TMEM163: variants seen among roughly 807,000 people sequenced by gnomAD.
TMEM163 encodes transmembrane protein 163.
A neutral mutation model predicts 29.3 loss-of-function variants in TMEM163; 17 were observed. The observed-to-expected ratio is 0.58, with a 90% confidence interval of 0.40 to 0.87. The LOEUF (loss-of-function observed/expected upper bound fraction) is 0.87. TMEM163 is among the 40% of genes least tolerant of loss of function. The pLI, the probability that TMEM163 is intolerant of heterozygous loss-of-function variation, is 0.00. For synonymous variants in TMEM163, 157 were observed against 160.6 expected, an observed-to-expected ratio of 0.98 and a Z score of 0.17; for missense variants, 303 against 381.5, an observed-to-expected ratio of 0.79 and a Z score of 1.71.
chr2:134,464,953 C>T (rs551074848), intron 6 of TMEM163, among the ~76,000 whole-genome samples: 3 of 152,114 alleles, frequency 2.0e-5, no homozygotes, highest in South Asian at 2.1e-4. Flanking sequence ...CTCCGTCCTG[C>T]GGGTGAGAAG....
chr2:134,470,795 G>A (rs1484969514), intron 5 of TMEM163, among the ~76,000 whole-genome samples: 1 of 152,222 alleles, frequency 6.6e-6, no homozygotes, highest in Non-Finnish European at 1.5e-5. Context: ...TGCGGTGCAC[G>A]TGCTCCTCTC....
intron 7 of TMEM163, among the ~76,000 whole-genome samples, chr2:134,457,686 A>T (rs559605750): frequency 4.1e-4 from 62 of 152,332 alleles, no homozygotes; most frequent in African/African-American, 1.4e-3. Flanking sequence ...ACTTGTGAGG[A>T]AACCACGCAA....
chr2:134,681,789 C>A (rs1335845149), intron 2 of TMEM163, among the ~76,000 whole-genome samples: 1 of 152,198 alleles, frequency 6.6e-6, no homozygotes, highest in African/African-American at 2.4e-5. Context: ...CCAACAAGCA[C>A]CTTCTTCAAG....
chr2:134,585,729 G>A (rs138924134), intron 2 of TMEM163, among the ~76,000 whole-genome samples: 47 of 138,258 alleles, frequency 3.4e-4, no homozygotes, highest in South Asian at 3.4e-3. Flanking sequence ...GCGACAGAGC[G>A]AGACTCCGTC....
chr2:134,482,844 G>A (rs1367731251), intron 5 of TMEM163, among the ~76,000 whole-genome samples: 1 of 152,186 alleles, frequency 6.6e-6, no homozygotes, highest in Non-Finnish European at 1.5e-5. Context: ...TAGACAAGCA[G>A]GTGAGCAGCC....
At chr2:134,459,021 G>A (rs1359052774) in intron 6 of TMEM163, 1 of 152,248 alleles carries the variant, frequency 6.6e-6, no homozygotes, top group Non-Finnish European at 1.5e-5. Flanking sequence ...AATGGCTTAA[G>A]GTAGCTTCTA....
intron 2 of TMEM163, among the ~76,000 whole-genome samples, chr2:134,598,848 A>T: frequency 6.7e-6 from 1 of 150,076 alleles, no homozygotes; most frequent in African/African-American, 2.5e-5. Context: ...TGAACCTGGG[A>T]GGTGGGGGGT....
intron 4 of TMEM163, among the ~76,000 whole-genome samples, chr2:134,517,868 A>G (rs1452774594): frequency 2.6e-5 from 4 of 152,228 alleles, no homozygotes; most frequent in African/African-American, 9.6e-5. Context: ...CTGGCTAGTT[A>G]GGAGAAAAAG....
At chr2:134,682,955 A>G (rs1337135908) in intron 2 of TMEM163, among the ~76,000 whole-genome samples, 1 of 152,228 alleles carries the variant, frequency 6.6e-6, no homozygotes, top group Non-Finnish European at 1.5e-5. Context: ...ATGAGCTATC[A>G]AGCCAGGAAA....
At chr2:134,527,017 C>T (rs953949890) in intron 4 of TMEM163, among the ~76,000 whole-genome samples, 3 of 152,142 alleles carry the variant, frequency 2.0e-5, no homozygotes, top group Admixed American at 6.5e-5. Context: ...TCAACTAAGA[C>T]CCTATAAAAA....
intron 2 of TMEM163, among the ~76,000 whole-genome samples, chr2:134,560,446 G>A (rs975409554): frequency 1.3e-5 from 2 of 152,122 alleles, no homozygotes; most frequent in Non-Finnish European, 2.9e-5. Flanking sequence ...GAGCCTTCAG[G>A]GAGAAGGCAG....
intron 5 of TMEM163, among the ~76,000 whole-genome samples, chr2:134,470,953 C>T (rs529364575): frequency 6.6e-6 from 1 of 152,318 alleles, no homozygotes; most frequent in Admixed American, 6.5e-5. Context: ...GGGAAGAACA[C>T]TTGAAGCCAA....
intron 2 of TMEM163, among the ~76,000 whole-genome samples, chr2:134,578,083 C>T (rs1233755685): frequency 6.6e-6 from 1 of 152,094 alleles, no homozygotes; most frequent in Non-Finnish European, 1.5e-5. Flanking sequence ...AAATGTTGAA[C>T]CCTTTTAACC....
At chr2:134,485,774 T>TCC (rs1236734018) in intron 5 of TMEM163, among the ~76,000 whole-genome samples, 2 of 152,192 alleles carry the variant, frequency 1.3e-5, no homozygotes, top group African/African-American at 4.8e-5. Flanking sequence ...ACAGGTCTGA[T>TCC]CCACAGAATC....
chr2:134,582,190 G>T (rs61091974), intron 2 of TMEM163, among the ~76,000 whole-genome samples: 1,725 of 152,282 alleles, frequency 0.011, 27 homozygotes, highest in African/African-American at 0.037. Context: ...GAGGACAAAG[G>T]CTGGGAAGGG....
chr2:134,507,162 C>A (rs908062860), intron 4 of TMEM163, among the ~76,000 whole-genome samples: 1 of 152,066 alleles, frequency 6.6e-6, no homozygotes, highest in Non-Finnish European at 1.5e-5. Flanking sequence ...CACGGACAAA[C>A]CCCGTCTCTA....
intron 2 of TMEM163, among the ~76,000 whole-genome samples, chr2:134,696,231 T>C (rs1215782814): frequency 6.6e-6 from 1 of 152,202 alleles, no homozygotes; most frequent in African/African-American, 2.4e-5. Flanking sequence ...CTCTCACATA[T>C]CCAATTTCCA....
chr2:134,493,504 G>T (rs1300293366), intron 5 of TMEM163, among the ~76,000 whole-genome samples: 1 of 150,188 alleles, frequency 6.7e-6, no homozygotes, highest in South Asian at 2.1e-4. Context: ...CTCCCAAGTA[G>T]CTGAGATTAC....
chr2:134,500,391 G>A (rs571483021), intron 5 of TMEM163, among the ~76,000 whole-genome samples: 4 of 152,328 alleles, frequency 2.6e-5, no homozygotes, highest in South Asian at 4.1e-4. Context: ...ACCTGGCCCC[G>A]TGGGCCACTC....
Sources: gnomAD v4.1 joint callset for allele counts (sites outside exome capture counted in the v4.1 genomes callset) on GRCh38, gnomAD v4.1.1 for gene constraint, MANE v1.5 for transcripts, NCBI Gene and HGNC (gene_info 2026-07-23, HGNC 2026-07-21) for gene names.